The following DCC variants were observed in gnomAD, a reference collection of about 807,000 sequenced individuals.
DCC encodes the protein netrin receptor DCC.
Under a neutral mutation model 172.5 loss-of-function variants are expected in DCC, and 58 were observed. The ratio of observed to expected loss-of-function variants is 0.34; its 90% CI spans 0.27 to 0.42. The LOEUF is 0.42. DCC is among the 10% of genes least tolerant of loss of function. The pLI is 1.00. For missense variants in DCC, 1,740 were observed against 1,791.0 expected, an observed-to-expected ratio of 0.97 and a Z score of 0.51; for synonymous variants, 709 against 644.5, an observed-to-expected ratio of 1.10 and a Z score of -1.52.
intron 8 of DCC, among the ~76,000 whole-genome samples, chr18:53,159,253 T>G (rs1393515438): frequency 1.3e-5 from 2 of 152,060 alleles, no homozygotes; most frequent in East Asian, 3.9e-4. Context: ...CATACTCACT[T>G]TCTCCTCCTT....
intron 8 of DCC, among the ~76,000 whole-genome samples, chr18:53,171,865 A>C (rs980142020): frequency 6.6e-6 from 1 of 152,118 alleles, no homozygotes. Context: ...CTAAAAAAAA[A>C]AAAATAATAA....
Position 53,226,885 on chromosome 18 carries a change from TATAGA to T in DCC, c.1911+11294_1911+11298del, listed in dbSNP as rs148508897. ...CTAAACCAAATATATATTAGTTAAG[TATAGA>T]ATAGATGTCAGATAATAGTGTAACT... On this transcript the variant is annotated intron_variant, in intron 12 of 28. Coordinates refer to ENST00000442544, the MANE Select transcript of DCC (RefSeq NM_005215.4). 8.3e-4 allele frequency among the ~76,000 whole-genome samples: 123 copies of T among 147,896 alleles called. 1 individual carries two copies. The highest frequency in any genetic ancestry group is 2.4e-3 in the Admixed American group (36 of 14,712).
chr18:53,063,535 GA>G (rs57166441), intron 6 of DCC, 76 bp downstream of exon 6: 15,063 of 940,324 alleles, frequency 0.016, 18 homozygotes, highest in East Asian at 0.039. Flanking sequence ...TTTATTTCTT[GA>G]AAAAAAAAAA....
At chr18:52,890,324 C>T (rs2039630253) in intron 2 of DCC, among the ~76,000 whole-genome samples, 1 of 151,874 alleles carries the variant, frequency 6.6e-6, no homozygotes, top group East Asian at 1.9e-4. Flanking sequence ...GGAGGCATAG[C>T]TGGTGAGGTA....
At chr18:53,103,886 T>G (rs980756435) in intron 7 of DCC, among the ~76,000 whole-genome samples, 1 of 151,908 alleles carries the variant, frequency 6.6e-6, no homozygotes, top group African/African-American at 2.4e-5. Context: ...TACATGGGGG[T>G]TTAGAAGAAG....
In DCC at chr18:52,681,883, A is replaced by G. The variant is rs915589692; in HGVS notation, c.92-70171A>G. Among the ~76,000 whole-genome samples the G allele has an allele frequency of 8.8e-5, 11 of 125,050 alleles. No individual in the cohort carries two copies. In the East Asian group the frequency reaches 3.3e-3, roughly 37 times the overall value. 82.0% of individuals were successfully genotyped at this position (125,050 alleles called of 152,430 possible). ...AGATTGACTTTTACAGTTTCTAAAT[A>G]GAGTTCTTCCCTTCTAAAAAAAATG... On this transcript the variant is annotated intron_variant, in intron 1 of 28. Transcript: ENST00000442544.
Position 52,682,999 on chromosome 18 carries a change from T to A in DCC, c.92-69055T>A, listed in dbSNP as rs8086577. Among the ~76,000 whole-genome samples the A allele has an allele frequency of 2.3e-3, 354 of 152,118 alleles. 1 individual carries two copies. Among genetic ancestry groups the A allele is most frequent in the African/African-American group, 8.2e-3 (339 of 41,468 alleles). ...AGTAGAAACAGGAAACCATTGAGGG[T>A]ATTACTGCAGTTTTCTAGAGGGAGA... On this transcript the variant is annotated intron_variant, in intron 1 of 28. Coordinates refer to ENST00000442544, the MANE Select transcript of DCC (RefSeq NM_005215.4).
chr18:53,509,662 C>T (rs1398654443), intron 27 of DCC, among the ~76,000 whole-genome samples: 4 of 152,128 alleles, frequency 2.6e-5, no homozygotes, highest in Non-Finnish European at 5.9e-5. Context: ...TGTGCCTGTA[C>T]ATTTTTCTAG....
intron 2 of DCC, among the ~76,000 whole-genome samples, chr18:52,859,056 A>G (rs2039094910): frequency 6.6e-6 from 1 of 152,192 alleles, no homozygotes; most frequent in Non-Finnish European, 1.5e-5. Context: ...CCATCCCAGC[A>G]CTTTGGGAGG....
intron 1 of DCC, among the ~76,000 whole-genome samples, chr18:52,610,151 TAAAAAAAAAAAAAAAA>T (rs1171109968): frequency 0.054 from 1,020 of 18,952 alleles, 54 homozygotes; most frequent in Middle Eastern, 0.1. Context: ...CCATCTCTCA[TAAAAAAAAAAAAAAAA>T]AAAAAAAAAA....
chr18:52,343,747 G>C (rs552323262), intron 1 of DCC, among the ~76,000 whole-genome samples: 86 of 152,344 alleles, frequency 5.6e-4, no homozygotes, highest in Non-Finnish European at 7.1e-4. Flanking sequence ...AAAAAAATCT[G>C]TGAGTGTTTA....
chr18:53,239,343 C>A (rs2056254588), intron 12 of DCC, among the ~76,000 whole-genome samples: 1 of 151,890 alleles, frequency 6.6e-6, no homozygotes, highest in Non-Finnish European at 1.5e-5. Flanking sequence ...ATGGTTCCTC[C>A]CAGGTAGATC....
intron 14 of DCC, among the ~76,000 whole-genome samples, chr18:53,322,839 CATT>C (rs1219570391): frequency 6.6e-6 from 1 of 151,440 alleles, no homozygotes; most frequent in East Asian, 1.9e-4. Flanking sequence ...CAGAATAAAA[CATT>C]AAATAATAAA....
intron 9 of DCC, among the ~76,000 whole-genome samples, chr18:53,181,774 G>A (rs1179410239): frequency 6.6e-6 from 1 of 152,100 alleles, no homozygotes; most frequent in Non-Finnish European, 1.5e-5. Context: ...GGGGAAGCAG[G>A]TATTTTAAAT....
chr18:52,340,734 G>A lies in DCC; in HGVS notation c.-54G>A, dbSNP rs1430984459. The A allele has an allele frequency of 1.5e-6, 2 of 1,311,272 alleles. No homozygotes were observed. Among genetic ancestry groups the A allele is most frequent in the East Asian group, 2.3e-5 (1 of 43,352 alleles). 81.2% of individuals were successfully genotyped at this position (1,311,272 alleles called of 1,614,324 possible). A position where few individuals can be genotyped will look rare whatever the true frequency, so the allele number is the denominator to read the frequency against. The stretch of plus-strand genomic sequence containing the variant: ...TGTGCATGCGTGTGTGAGTGCATGT[G>A]TGTGAGTGCTGCCGCTGCCCGCGAC... On this transcript the variant is annotated 5_prime_UTR_variant, in exon 1 of 29. In the 5' UTR this introduces an upstream ATG that the reference lacks. Coordinates refer to ENST00000442544, the MANE Select transcript of DCC (RefSeq NM_005215.4).
At chr18:52,446,589 T>C (rs1988131013) in intron 1 of DCC, among the ~76,000 whole-genome samples, 1 of 152,244 alleles carries the variant, frequency 6.6e-6, no homozygotes, top group Admixed American at 6.5e-5. Flanking sequence ...GGCTTCATCA[T>C]GTGAGTGTGA....
At chr18:52,872,278 CTTA>C (rs918784745) in intron 2 of DCC, among the ~76,000 whole-genome samples, 2 of 152,020 alleles carry the variant, frequency 1.3e-5, no homozygotes, top group Non-Finnish European at 2.9e-5. Flanking sequence ...GGTGGGTGGT[CTTA>C]TTATTTAGAT....
At chr18:52,986,829 T>TGTAC (rs1236673689) in intron 5 of DCC, among the ~76,000 whole-genome samples, 2 of 127,122 alleles carry the variant, frequency 1.6e-5, no homozygotes, top group Non-Finnish European at 3.2e-5. Context: ...CACACACACA[T>TGTAC]ATACATACAC....
At chr18:53,065,524 A>G (rs540755727) in intron 6 of DCC, among the ~76,000 whole-genome samples, 92 of 152,278 alleles carry the variant, frequency 6.0e-4, no homozygotes, top group African/African-American at 2.0e-3. Flanking sequence ...AAAAGCTTAT[A>G]TGTCAAAGCC....
Sources: allele counts gnomAD v4.1 joint callset (sites outside exome capture counted in the v4.1 genomes callset), GRCh38; gene constraint gnomAD v4.1.1; transcripts MANE v1.5; gene names NCBI Gene and HGNC (gene_info 2026-07-23, HGNC 2026-07-21).